Variants in ADAMTS17 observed in about 807,000 individuals in gnomAD.
The protein encoded by ADAMTS17 is ADAM metallopeptidase with thrombospondin type 1 motif 17.
ADAMTS17 carries 113 observed loss-of-function variants against 141.5 expected under a neutral mutation model. The ratio of observed to expected loss-of-function variants is 0.80; its 90% CI spans 0.69 to 0.93. The LOEUF (loss-of-function observed/expected upper bound fraction) is 0.93, where lower values mean the gene tolerates loss of function less well. Ranked by LOEUF, ADAMTS17 falls within the 40% of genes least tolerant of loss-of-function variation. ADAMTS17 has a pLI of 0.00. For synonymous variants in ADAMTS17, 768 were observed against 630.6 expected, an observed-to-expected ratio of 1.22 and a Z score of -3.27; for missense variants, 1,659 against 1,517.9, an observed-to-expected ratio of 1.09 and a Z score of -1.54.
chr15:100,056,232 T>C (rs2032553995), intron 15 of ADAMTS17, among the ~76,000 whole-genome samples: 1 of 152,242 alleles, frequency 6.6e-6, no homozygotes, highest in African/African-American at 2.4e-5. Flanking sequence ...CGTTCATCAT[T>C]CTTTCAAGCT....
intron 20 of ADAMTS17, among the ~76,000 whole-genome samples, chr15:99,984,963 AGG>A (rs2060555414): frequency 6.6e-6 from 1 of 152,216 alleles, no homozygotes; most frequent in South Asian, 2.1e-4. Context: ...CAGGAGATGG[AGG>A]CACTGGCCTT....
At chr15:100,087,322 G>T (rs1238537123) in intron 15 of ADAMTS17, among the ~76,000 whole-genome samples, 4 of 152,168 alleles carry the variant, frequency 2.6e-5, no homozygotes, top group African/African-American at 7.2e-5. Flanking sequence ...CCAATAACAG[G>T]CTCAAAAATT....
In ADAMTS17 at chr15:99,993,740, C is replaced by T. The variant is rs183141612; in HGVS notation, c.2797-540G>A. On this transcript the variant is annotated intron_variant, in intron 19 of 21. Transcript: ENST00000268070. The surrounding 1 kb of genome is among the most constrained non-coding windows in gnomAD (Gnocchi z 4.3). The stretch of plus-strand genomic sequence containing the variant: ...AAGGAAAAGCCACAGATGACTTTCT[C>T]GTGAGGCAGGTGGAAAGCCTTTGCA... Among the ~76,000 whole-genome samples, 135 of 152,280 alleles carry T rather than the reference C, an allele frequency of 8.9e-4. No homozygotes were observed. The highest frequency in any genetic ancestry group is 3.0e-3 in the African/African-American group (126 of 41,554).
intron 4 of ADAMTS17, among the ~76,000 whole-genome samples, chr15:100,270,024 C>T (rs2043849963): frequency 6.6e-6 from 1 of 152,236 alleles, no homozygotes; most frequent in Non-Finnish European, 1.5e-5. Context: ...AATGAGACCA[C>T]TTTGCATGAC....
chr15:100,053,847 C>T (rs754562278), intron 16 of ADAMTS17, 50 bp downstream of exon 16: 1 of 1,613,874 alleles, frequency 6.2e-7, no homozygotes, highest in African/African-American at 1.3e-5. Flanking sequence ...ACCTAGTAGA[C>T]CTCTCGGAGC....
intron 8 of ADAMTS17, among the ~76,000 whole-genome samples, chr15:100,193,274 GGAGTA>G (rs1237895557): frequency 1.3e-5 from 2 of 152,214 alleles, no homozygotes; most frequent in Non-Finnish European, 2.9e-5. Context: ...GGGAGCTGAC[GGAGTA>G]GAGAGAGGAC....
At chr15:100,299,095 C>T (rs528934734) in intron 3 of ADAMTS17, among the ~76,000 whole-genome samples, 2 of 152,250 alleles carry the variant, frequency 1.3e-5, no homozygotes, top group South Asian at 2.1e-4. Flanking sequence ...ACCTTCATCA[C>T]CTTATTTTAA....
intron 8 of ADAMTS17, among the ~76,000 whole-genome samples, chr15:100,165,440 A>G (rs2039911221): frequency 6.6e-6 from 1 of 152,206 alleles, no homozygotes; most frequent in Non-Finnish European, 1.5e-5. Context: ...GATGGTCCCA[A>G]TATGAACACG....
chr15:100,076,722 T>G (rs1308820772), intron 15 of ADAMTS17, among the ~76,000 whole-genome samples: 1 of 152,190 alleles, frequency 6.6e-6, no homozygotes, highest in Non-Finnish European at 1.5e-5. Context: ...AATTTATATA[T>G]TTTGAATTTA....
intron 3 of ADAMTS17, among the ~76,000 whole-genome samples, chr15:100,320,645 C>T (rs1260235501): frequency 2.0e-5 from 3 of 152,284 alleles, no homozygotes; most frequent in Non-Finnish European, 2.9e-5. Flanking sequence ...CCAGCCTGGG[C>T]TACATGGTGA....
At chr15:100,005,769 G>A (rs2061025792) in intron 18 of ADAMTS17, among the ~76,000 whole-genome samples, 1 of 152,176 alleles carries the variant, frequency 6.6e-6, no homozygotes, top group Non-Finnish European at 1.5e-5. Flanking sequence ...CACGAATTGG[G>A]TGGCTTAAAA....
chr15:99,984,101 GTC>G (rs2060534849), intron 20 of ADAMTS17, among the ~76,000 whole-genome samples: 1 of 152,148 alleles, frequency 6.6e-6, no homozygotes, highest in Non-Finnish European at 1.5e-5. Flanking sequence ...CTTCCCGGCA[GTC>G]TCAGCTTCAG....
chr15:100,192,363 G>C (rs2141596299), intron 8 of ADAMTS17, among the ~76,000 whole-genome samples: 1 of 152,332 alleles, frequency 6.6e-6, no homozygotes, highest in East Asian at 1.9e-4. Flanking sequence ...CCTGTCCAAG[G>C]CTCCATCCCT....
At chr15:100,241,275 T>A (rs1436672035) in intron 7 of ADAMTS17, among the ~76,000 whole-genome samples, 1 of 152,216 alleles carries the variant, frequency 6.6e-6, no homozygotes, top group Admixed American at 6.5e-5. Flanking sequence ...AGATTCTGGC[T>A]CTACCCCTCA....
At chr15:100,115,399 C>T (rs1365388724) in intron 13 of ADAMTS17, among the ~76,000 whole-genome samples, 1 of 152,178 alleles carries the variant, frequency 6.6e-6, no homozygotes. Context: ...ATTCTGCTGG[C>T]GAGCTGATGG....
intron 10 of ADAMTS17, among the ~76,000 whole-genome samples, chr15:100,136,667 T>G (rs554639416): frequency 2.6e-5 from 4 of 152,314 alleles, no homozygotes; most frequent in Admixed American, 2.0e-4. Context: ...GAGTCTGAGC[T>G]GGGTTAGAAG....
At chr15:100,146,771 G>T (rs1172345676) in intron 10 of ADAMTS17, among the ~76,000 whole-genome samples, 1 of 152,254 alleles carries the variant, frequency 6.6e-6, no homozygotes, top group Non-Finnish European at 1.5e-5. Context: ...CGTGCCTGGG[G>T]GTATAGGTCT....
intron 18 of ADAMTS17, among the ~76,000 whole-genome samples, chr15:99,998,365 G>T (rs1641569333): frequency 6.6e-6 from 1 of 152,210 alleles, no homozygotes; most frequent in Non-Finnish European, 1.5e-5. Flanking sequence ...CACTTTGGGA[G>T]GCTGAGGCAG....
At chr15:100,201,911 A>G (rs2041348570) in intron 7 of ADAMTS17, among the ~76,000 whole-genome samples, 1 of 152,226 alleles carries the variant, frequency 6.6e-6, no homozygotes, top group Non-Finnish European at 1.5e-5. Context: ...CCCTGATGGT[A>G]TGTGCACGCG....
Sources: gnomAD v4.1 joint callset for allele counts (sites outside exome capture counted in the v4.1 genomes callset) on GRCh38, gnomAD v4.1.1 for gene constraint, Gnocchi (gnomAD v3.1) non-coding constraint, MANE v1.5 for transcripts, NCBI Gene and HGNC (gene_info 2026-07-23, HGNC 2026-07-21) for gene names.